The following RWDD4 variants were observed in gnomAD, a reference collection of about 807,000 sequenced individuals.
RWDD4 encodes the protein RWD domain containing 4.
RWDD4 carries 16 observed loss-of-function variants against 30.0 expected under a neutral mutation model. That is an observed-to-expected ratio of 0.53 (90% CI 0.36 to 0.81). The LOEUF is 0.81. RWDD4 is among the 30% of genes least tolerant of loss of function. RWDD4 has a pLI of 0.00. For missense variants in RWDD4, 170 were observed against 223.9 expected (o/e 0.76, Z 1.54); for synonymous variants, 45 against 72.1 (o/e 0.62, Z 1.90).
chr4:183,652,840 C>T (rs550746362), intron 2 of RWDD4, among the ~76,000 whole-genome samples: 1 of 151,856 alleles, frequency 6.6e-6, no homozygotes, highest in Admixed American at 6.5e-5. Context: ...AATCCTCCCA[C>T]CTCAGCCACT....
At chr4:183,657,386 G>C (rs1734218152) in intron 1 of RWDD4, among the ~76,000 whole-genome samples, 1 of 152,138 alleles carries the variant, frequency 6.6e-6, no homozygotes, top group South Asian at 2.1e-4. Context: ...TTATGACTTG[G>C]ACAGGTACAA....
At chr4:183,650,954 A>T (rs1368581781) in intron 4 of RWDD4, 30 bp downstream of exon 4, 1 of 1,590,968 alleles carries the variant, frequency 6.3e-7, no homozygotes, top group Non-Finnish European at 8.6e-7. Context: ...ACAACAAAAG[A>T]ATCCGGCAAA....
At chr4:183,646,443 A>G in intron 6 of RWDD4, 45 bp downstream of exon 6, 1 of 1,600,948 alleles carries the variant, frequency 6.2e-7, no homozygotes, top group Admixed American at 1.7e-5. Flanking sequence ...ATTTGCTGGT[A>G]ATAATTGTAA....
At chr4:183,642,271 G>T (rs1419008280) in intron 7 of RWDD4, among the ~76,000 whole-genome samples, 1 of 84,100 alleles carries the variant, frequency 1.2e-5, no homozygotes, top group African/African-American at 7.7e-5. Context: ...CTCACTGCAA[G>T]CTCCGCCTCC....
At chr4:183,645,942 G>A (rs1273168121) in intron 7 of RWDD4, among the ~76,000 whole-genome samples, 2 of 151,788 alleles carry the variant, frequency 1.3e-5, no homozygotes, top group Admixed American at 6.6e-5. Context: ...TCACTCTGTC[G>A]CCCAGGCTGG....
chr4:183,643,845 A>T (rs1468239592), intron 7 of RWDD4, among the ~76,000 whole-genome samples: 1 of 152,088 alleles, frequency 6.6e-6, no homozygotes, highest in African/African-American at 2.4e-5. Flanking sequence ...TTGAACCCAG[A>T]AGGTGGAGGT....
At chr4:183,647,666 A>G (rs1437918247) in intron 5 of RWDD4, among the ~76,000 whole-genome samples, 2 of 152,208 alleles carry the variant, frequency 1.3e-5, no homozygotes, top group Non-Finnish European at 2.9e-5. Context: ...AAGCAATATT[A>G]CCTAACTGAC....
chr4:183,644,953 A>G (rs527251075), intron 7 of RWDD4, among the ~76,000 whole-genome samples: 2 of 152,122 alleles, frequency 1.3e-5, no homozygotes, highest in East Asian at 3.9e-4. Flanking sequence ...TAAAAAAATT[A>G]GTTGAGTGTG....
chr4:183,643,826 G>C (rs1055923825), intron 7 of RWDD4, among the ~76,000 whole-genome samples: 1 of 152,142 alleles, frequency 6.6e-6, no homozygotes. Context: ...GCTGAGGCAG[G>C]AGAATCACTT....
At chr4:183,658,254 C>G (rs919851712) in intron 1 of RWDD4, among the ~76,000 whole-genome samples, 1 of 152,172 alleles carries the variant, frequency 6.6e-6, no homozygotes, top group Admixed American at 6.5e-5. Flanking sequence ...GATTCTACCA[C>G]GTACTTACTG....
intron 2 of RWDD4, among the ~76,000 whole-genome samples, chr4:183,655,150 A>T (rs1193565568): frequency 6.6e-6 from 1 of 151,934 alleles, no homozygotes; most frequent in African/African-American, 2.4e-5. Flanking sequence ...CTTGTTGGCC[A>T]GGCTGGTCTA....
chr4:183,649,673 TA>T (rs1734037337), intron 4 of RWDD4, 105 bp from the exon 5 acceptor site: 1 of 565,676 alleles, frequency 1.8e-6, no homozygotes, highest in Admixed American at 3.1e-5. Flanking sequence ...ACTTATGAAA[TA>T]AAAGAATCCT....
At chr4:183,643,351 G>C (rs1733902333) in intron 7 of RWDD4, among the ~76,000 whole-genome samples, 2 of 127,620 alleles carry the variant, frequency 1.6e-5, no homozygotes, top group African/African-American at 5.8e-5. Context: ...GGGAGGCAGA[G>C]GTTGCACTGA....
intron 1 of RWDD4, among the ~76,000 whole-genome samples, chr4:183,656,623 G>A (rs981808614): frequency 1.3e-5 from 2 of 152,176 alleles, no homozygotes; most frequent in Admixed American, 6.5e-5. Context: ...AAGAAGTAAA[G>A]CAAGACTGCA....
At chr4:183,641,958 T>C (rs945008811) in intron 7 of RWDD4, among the ~76,000 whole-genome samples, 2 of 152,148 alleles carry the variant, frequency 1.3e-5, no homozygotes, top group South Asian at 2.1e-4. Context: ...CATTGCAATT[T>C]TTTTCTAAGA....
chr4:183,658,894 C>G, intron 1 of RWDD4, 35 bp downstream of exon 1: 1 of 1,243,910 alleles, frequency 8.0e-7, no homozygotes, highest in Middle Eastern at 3.1e-4. Context: ...GCGCCGCGCC[C>G]GCGCTGGGAG....
At chr4:183,657,440 G>T (rs1734221026) in intron 1 of RWDD4, among the ~76,000 whole-genome samples, 1 of 152,146 alleles carries the variant, frequency 6.6e-6, no homozygotes, top group Non-Finnish European at 1.5e-5. Flanking sequence ...ACAATTTGTT[G>T]GGACAGTGAA....
At chr4:183,647,495 C>T (rs1436467336) in intron 5 of RWDD4, among the ~76,000 whole-genome samples, 3 of 152,112 alleles carry the variant, frequency 2.0e-5, no homozygotes, top group Admixed American at 1.3e-4. Flanking sequence ...AGCCACAGTG[C>T]CGTGGCTGTC....
At position 183,655,972 on chromosome 4, in the gene RWDD4, GA is replaced by G; in HGVS notation, c.25-12del. The G allele has an allele frequency of 6.4e-7, 1 of 1,573,798 alleles. No individual in the cohort carries two copies. Among genetic ancestry groups the G allele is most frequent in the Non-Finnish European group, 8.7e-7 (1 of 1,146,824 alleles). On this transcript the variant is annotated splice_polypyrimidine_tract_variant and intron_variant, in intron 1 of 7. Coordinates refer to ENST00000326397, the MANE Select transcript of RWDD4 (RefSeq NM_152682.4). ...TGCTTCTAGTTCCATCTGAAATAAA[GA>G]ACTGAATGAGTTTTGTTTAGTGGTA...
Sources: gnomAD v4.1 joint callset for allele counts (sites outside exome capture counted in the v4.1 genomes callset) on GRCh38, gnomAD v4.1.1 for gene constraint, MANE v1.5 for transcripts, NCBI Gene and HGNC (gene_info 2026-07-23, HGNC 2026-07-21) for gene names.